Variants in NAV1 observed in about 807,000 individuals in gnomAD.
NAV1 encodes pore membrane and/or filament interacting like protein 3.
NAV1 carries 18 observed loss-of-function variants against 175.2 expected under a neutral mutation model. That is an observed-to-expected ratio of 0.10 (90% CI 0.07 to 0.15). The LOEUF (loss-of-function observed/expected upper bound fraction) is 0.15. Among genes scored for constraint, NAV1 ranks in the 10% least tolerant of loss-of-function variants. The pLI, the probability that NAV1 is intolerant of heterozygous loss-of-function variation, is 1.00. For missense variants in NAV1, 1,731 were observed against 2,436.6 expected, an observed-to-expected ratio of 0.71 and a Z score of 6.10; for synonymous variants, 897 against 978.7, an observed-to-expected ratio of 0.92 and a Z score of 1.56.
chr1:201,637,597 C>T (rs1668646026), intron 2 of NAV1, among the ~76,000 whole-genome samples: 1 of 152,176 alleles, frequency 6.6e-6, no homozygotes, highest in Non-Finnish European at 1.5e-5. Context: ...CAAGGTCCCT[C>T]TTAGTGTTGT....
rs953204287 is a variant in NAV1 at position 201,741,521 on chromosome 1, TC to T, written c.1226+22767del. ...GGAGAAGGTGAAGGGAAGGAACTGT[TC>T]ATAACCTCCTCTCCTCCCTCCACCT... On this transcript the variant is annotated intron_variant, in intron 3 of 29. Transcript: ENST00000367296. Among the ~76,000 whole-genome samples, 103 of 152,124 alleles carry T rather than the reference TC, an allele frequency of 6.8e-4. 1 individual carries two copies. The highest frequency in any genetic ancestry group is 2.3e-3 in the African/African-American group (97 of 41,520).
chr1:201,701,874 C>T (rs1358793104), intron 1 of NAV1, among the ~76,000 whole-genome samples: 1 of 152,166 alleles, frequency 6.6e-6, no homozygotes, highest in Non-Finnish European at 1.5e-5. Context: ...GTATTGTACT[C>T]ATAGGCATAC....
exon 30 of NAV1, chr1:201,825,048 T>A (rs1221423505): frequency 6.6e-6 from 1 of 152,204 alleles, no homozygotes; most frequent in African/African-American, 2.4e-5. Context: ...TAACATTAAT[T>A]TCAAAGTCAC....
intron 15 of NAV1, among the ~76,000 whole-genome samples, chr1:201,802,457 TAAAAAAA>T (rs34494216): frequency 2.8e-4 from 28 of 101,086 alleles, no homozygotes; most frequent in Non-Finnish European, 3.7e-5. Context: ...CCTGTCTCAT[TAAAAAAA>T]AAAAAAAAAA....
At chr1:201,638,767 CT>C (rs143350714) in intron 2 of NAV1, among the ~76,000 whole-genome samples, 7,980 of 152,282 alleles carry the variant, frequency 0.052, 303 homozygotes, top group Non-Finnish European at 0.083. Flanking sequence ...ACAGCCCCTG[CT>C]TCAAAGGCTT....
At chr1:201,709,687 T>C (rs923439212) in intron 1 of NAV1, among the ~76,000 whole-genome samples, 4 of 152,176 alleles carry the variant, frequency 2.6e-5, no homozygotes, top group African/African-American at 9.7e-5. Flanking sequence ...CAGAGGGAGC[T>C]GCAGGGTGTA....
intron 1 of NAV1, among the ~76,000 whole-genome samples, chr1:201,666,585 G>A (rs964297550): frequency 5.3e-5 from 8 of 152,160 alleles, no homozygotes. Context: ...AGGAGTGATG[G>A]GCGGAGGAAG....
At chr1:201,734,178 C>T (rs947552502) in intron 3 of NAV1, among the ~76,000 whole-genome samples, 9 of 152,012 alleles carry the variant, frequency 5.9e-5, no homozygotes, top group African/African-American at 2.2e-4. Context: ...AAGGCTTAGG[C>T]GGGCGGATTG....
At chr1:201,688,650 A>C (rs1335530913) in intron 1 of NAV1, among the ~76,000 whole-genome samples, 4 of 152,286 alleles carry the variant, frequency 2.6e-5, no homozygotes, top group Non-Finnish European at 5.9e-5. Context: ...ACCCGCCCCC[A>C]TCGAAAATAA....
chr1:201,807,797 G>A lies in NAV1; in HGVS notation c.3649-156G>A, dbSNP rs1016994381. 2.0e-5 allele frequency among the ~76,000 whole-genome samples: 3 copies of A among 151,974 alleles called. No individual in the cohort carries two copies. The highest frequency in any genetic ancestry group is 4.4e-5 in the Non-Finnish European group (3 of 68,010). Reference sequence around the variant, plus strand: ...TAATTTCTAGGCAACTCTTCTGTCCGTATTCTATGAATCAAGTGAAGTGTT... The same window carrying A: ...TAATTTCTAGGCAACTCTTCTGTCCATATTCTATGAATCAAGTGAAGTGTT... On this transcript the variant is annotated intron_variant, in intron 17 of 29. Coordinates refer to ENST00000367296, the Ensembl canonical transcript of NAV1. This position sits in a 1 kb window ranked among gnomAD's most constrained non-coding sequence, Gnocchi z 5.4.
intron 3 of NAV1, among the ~76,000 whole-genome samples, chr1:201,779,717 A>T (rs1329149122): frequency 6.6e-6 from 1 of 152,002 alleles, no homozygotes; most frequent in Non-Finnish European, 1.5e-5. Context: ...TTGGATACAG[A>T]TGTTTACAGA....
At chr1:201,627,394 T>C (rs762653536) in intron 1 of NAV1, among the ~76,000 whole-genome samples, 1 of 152,002 alleles carries the variant, frequency 6.6e-6, no homozygotes, top group Admixed American at 6.6e-5. Context: ...TGCCTCAGCC[T>C]CCCGAGTAGC....
chr1:201,663,134 C>T (rs563572714), intron 1 of NAV1, among the ~76,000 whole-genome samples: 26 of 152,298 alleles, frequency 1.7e-4, no homozygotes, highest in African/African-American at 6.0e-4. Flanking sequence ...AGCCAATTCC[C>T]CCTGGGGCGA....
intron 3 of NAV1, among the ~76,000 whole-genome samples, chr1:201,777,643 G>C (rs937270935): frequency 6.7e-6 from 1 of 149,262 alleles, no homozygotes; most frequent in Non-Finnish European, 1.5e-5. Flanking sequence ...TTTTGTTGTT[G>C]TTGTTGTTGT....
At chr1:201,576,640 A>C (rs1489305371) in intron 1 of NAV1, among the ~76,000 whole-genome samples, 1 of 152,100 alleles carries the variant, frequency 6.6e-6, no homozygotes, top group Admixed American at 6.6e-5. Flanking sequence ...ATAACTCTTC[A>C]TTTCTCTGAG....
At chr1:201,772,173 G>A (rs977128258) in intron 3 of NAV1, among the ~76,000 whole-genome samples, 4 of 152,212 alleles carry the variant, frequency 2.6e-5, no homozygotes, top group Non-Finnish European at 5.9e-5. Context: ...CACTCTAACA[G>A]AAGTATAGAT....
rs1678652608 is a variant in NAV1 at position 201,810,876 on chromosome 1, C to G, written c.4797+118C>G. On this transcript the variant is annotated intron_variant, in intron 24 of 29. Transcript: ENST00000367296. This position sits in a 1 kb window ranked among gnomAD's most constrained non-coding sequence, Gnocchi z 6.0. ...TTTCCTCACCTCTGCCTTCATCTTT[C>G]TTCTCTTCTGTGTTCATTTCCTTCC... 5.6e-6 allele frequency: 4 copies of G among 719,498 alleles called. No homozygotes were observed. The highest frequency in any genetic ancestry group is 4.7e-6 in the Non-Finnish European group (2 of 429,388). 44.6% of individuals were successfully genotyped at this position (719,498 alleles called of 1,614,324 possible).
At chr1:201,765,519 T>C (rs1449085489) in intron 3 of NAV1, among the ~76,000 whole-genome samples, 1 of 151,134 alleles carries the variant, frequency 6.6e-6, no homozygotes, top group African/African-American at 2.4e-5. Flanking sequence ...CTCAGCCTCC[T>C]GAGTAGCTGG....
chr1:201,804,539 T>G (rs924868845), intron 17 of NAV1, 42 bp downstream of exon 21: 2 of 1,476,068 alleles, frequency 1.4e-6, no homozygotes, highest in Non-Finnish European at 1.8e-6. Flanking sequence ...CTCTTTCCCT[T>G]TGCCATACCT....
Sources: allele counts gnomAD v4.1 joint callset (sites outside exome capture counted in the v4.1 genomes callset), GRCh38; gene constraint gnomAD v4.1.1; non-coding constraint Gnocchi (gnomAD v3.1); transcripts MANE v1.5; gene names NCBI Gene and HGNC (gene_info 2026-07-23, HGNC 2026-07-21).